RNF220: variants seen among roughly 807,000 people sequenced by gnomAD.
RNF220 encodes the protein E3 ubiquitin-protein ligase RNF220.
A neutral mutation model predicts 67.1 loss-of-function variants in RNF220; 7 were observed. The observed-to-expected ratio is 0.10, with a 90% confidence interval of 0.06 to 0.20. The LOEUF (loss-of-function observed/expected upper bound fraction) is 0.20, where lower values mean the gene tolerates loss of function less well. Among genes scored for constraint, RNF220 ranks in the 10% least tolerant of loss-of-function variants. The probability of loss-of-function intolerance (pLI) is 1.00; values close to 1 mark genes in which losing one functional copy is unlikely to be tolerated. For missense variants in RNF220, 565 were observed against 740.3 expected (o/e 0.76, Z 2.75); for synonymous variants, 270 against 283.2 (o/e 0.95, Z 0.47).
intron 2 of RNF220, among the ~76,000 whole-genome samples, chr1:44,451,076 A>G (rs970658805): frequency 6.6e-6 from 1 of 151,882 alleles, no homozygotes; most frequent in Non-Finnish European, 1.5e-5. Context: ...CCAGCTACTC[A>G]GGAGGCTGAG....
intron 2 of RNF220, among the ~76,000 whole-genome samples, chr1:44,552,563 C>CCTTT (rs1662729307): frequency 1.4e-5 from 1 of 71,330 alleles, no homozygotes; most frequent in Non-Finnish European, 2.6e-5. Flanking sequence ...TTCTAAACTT[C>CCTTT]TTCTTTTTTT....
Position 44,417,266 on chromosome 1 carries a change from C to T in RNF220, c.625+4544C>T, listed in dbSNP as rs770737262. On this transcript the variant is annotated intron_variant, in intron 2 of 14. Coordinates refer to ENST00000361799, the MANE Select transcript of RNF220 (RefSeq NM_018150.4). The surrounding 1 kb of genome is among the most constrained non-coding windows in gnomAD (Gnocchi z 4.0). ...TGCTCCCGGGTTCTCCCCTACTCCC[C>T]GGGGGCAAGAACTCCTGTGATGTGT... Among the ~76,000 whole-genome samples, 1 of 152,214 alleles carries T rather than the reference C, an allele frequency of 6.6e-6. No individual in the cohort carries two copies. Among genetic ancestry groups the T allele is most frequent in the South Asian group, 2.1e-4 (1 of 4,838 alleles).
At chr1:44,577,575 C>A (rs772483486) in intron 2 of RNF220, among the ~76,000 whole-genome samples, 2 of 152,162 alleles carry the variant, frequency 1.3e-5, no homozygotes, top group Non-Finnish European at 2.9e-5. Context: ...CGAACAAAAC[C>A]CTGTTACCAA....
At chr1:44,473,256 A>G (rs922005697) in intron 2 of RNF220, among the ~76,000 whole-genome samples, 2 of 152,144 alleles carry the variant, frequency 1.3e-5, no homozygotes, top group African/African-American at 4.8e-5. Flanking sequence ...TTCAAATCAT[A>G]AAGTTTTACA....
intron 2 of RNF220, among the ~76,000 whole-genome samples, chr1:44,551,256 A>AG (rs1662607117): frequency 6.6e-6 from 1 of 150,950 alleles, no homozygotes; most frequent in African/African-American, 2.4e-5. Flanking sequence ...CTGGGATTAC[A>AG]GGCACGGGCC....
intron 1 of RNF220, among the ~76,000 whole-genome samples, chr1:44,408,168 TAA>T (rs1382770819): frequency 6.6e-6 from 1 of 152,200 alleles, no homozygotes; most frequent in Non-Finnish European, 1.5e-5. Flanking sequence ...CCGTTTTCCC[TAA>T]AAGAGTTGAT....
In RNF220 at chr1:44,489,855, C is replaced by CT. The variant is rs1334006741; in HGVS notation, c.625+77137dup. 2.6e-5 allele frequency among the ~76,000 whole-genome samples: 4 copies of CT among 152,302 alleles called. No individual in the cohort carries two copies. The East Asian group carries it at 7.7e-4, about 29-fold the overall frequency. The stretch of plus-strand genomic sequence containing the variant: ...GGGAAAGGGTAGTCTTGAATATCCC[C>CT]TTTTGTCTCGCAGCTCTAAGTCTTT... On this transcript the variant is annotated intron_variant, in intron 2 of 14. Coordinates refer to ENST00000361799, the MANE Select transcript of RNF220 (RefSeq NM_018150.4).
intron 2 of RNF220, among the ~76,000 whole-genome samples, chr1:44,529,673 G>A (rs1316136979): frequency 6.6e-6 from 1 of 152,134 alleles, no homozygotes; most frequent in South Asian, 2.1e-4. Flanking sequence ...ACCATGCCTG[G>A]CCAGATATTT....
At position 44,614,150 on chromosome 1, in the gene RNF220, T is replaced by G; in HGVS notation, c.626-15T>G. The stretch of plus-strand genomic sequence containing the variant: ...GCCCAGCTTACGCGTCTGTCTGTTC[T>G]TCTCCCCTCACTAGGTAAGAAGAAA... On this transcript the variant is annotated splice_polypyrimidine_tract_variant and intron_variant, in intron 2 of 14. Transcript: ENST00000361799. 1 of 1,614,044 alleles carries G rather than the reference T, an allele frequency of 6.2e-7. No individual in the cohort carries two copies. The highest frequency in any genetic ancestry group is 8.5e-7 in the Non-Finnish European group (1 of 1,179,962).
chr1:44,501,863 T>G (rs1453057704), intron 2 of RNF220, among the ~76,000 whole-genome samples: 1 of 152,116 alleles, frequency 6.6e-6, no homozygotes, highest in Non-Finnish European at 1.5e-5. Context: ...GCACTCTAAT[T>G]GCTCCAAAAA....
chr1:44,434,639 C>CA (rs1217792935), intron 2 of RNF220, among the ~76,000 whole-genome samples: 1 of 151,150 alleles, frequency 6.6e-6, no homozygotes, highest in African/African-American at 2.4e-5. Context: ...ATGGCATGAA[C>CA]CTGGGAGGCA....
At chr1:44,602,395 G>T (rs1383583759) in intron 2 of RNF220, among the ~76,000 whole-genome samples, 1 of 152,168 alleles carries the variant, frequency 6.6e-6, no homozygotes, top group African/African-American at 2.4e-5. Context: ...GGAGAGGACA[G>T]CAACTGAGTG....
At chr1:44,517,123 A>G (rs1295490045) in intron 2 of RNF220, among the ~76,000 whole-genome samples, 1 of 152,060 alleles carries the variant, frequency 6.6e-6, no homozygotes, top group African/African-American at 2.4e-5. Flanking sequence ...CCCAAAATCC[A>G]GGCATCAGCA....
At chr1:44,570,305 C>T (rs901067484) in intron 2 of RNF220, among the ~76,000 whole-genome samples, 2 of 152,180 alleles carry the variant, frequency 1.3e-5, no homozygotes, top group African/African-American at 4.8e-5. Context: ...CCCCATCCAG[C>T]GCTGTCCCTT....
rs557005282 is a variant in RNF220 at position 44,454,583 on chromosome 1, G to T, written c.625+41861G>T. On this transcript the variant is annotated intron_variant, in intron 2 of 14. Coordinates refer to ENST00000361799, the MANE Select transcript of RNF220 (RefSeq NM_018150.4). Reference sequence around the variant, plus strand: ...AGTGTGTTTTAAAGAACATTTTTTGGTATGATTACTCAAGTTTATTGTTTT... The same window carrying T: ...AGTGTGTTTTAAAGAACATTTTTTGTTATGATTACTCAAGTTTATTGTTTT... 4.7e-5 allele frequency among the ~76,000 whole-genome samples: 7 copies of T among 150,028 alleles called. No individual in the cohort carries two copies. In the South Asian group the frequency reaches 1.3e-3, roughly 27 times the overall value.
chr1:44,533,137 G>C (rs1440008391), intron 2 of RNF220, among the ~76,000 whole-genome samples: 3 of 152,246 alleles, frequency 2.0e-5, no homozygotes, highest in Non-Finnish European at 2.9e-5. Flanking sequence ...GAGTCCTAAA[G>C]GGGAGAGTAA....
At chr1:44,432,228 C>A (rs1053159055) in intron 2 of RNF220, among the ~76,000 whole-genome samples, 1 of 152,120 alleles carries the variant, frequency 6.6e-6, no homozygotes, top group Non-Finnish European at 1.5e-5. Context: ...TCTGTAGAGG[C>A]ATTTTAAAAC....
At chr1:44,625,552 T>C (rs1643913762) in intron 4 of RNF220, among the ~76,000 whole-genome samples, 1 of 152,152 alleles carries the variant, frequency 6.6e-6, no homozygotes, top group Admixed American at 6.5e-5. Flanking sequence ...CTCAGAGCTG[T>C]ACAGGCTGGA....
Position 44,466,327 on chromosome 1 carries a change from CA to C in RNF220, c.625+53606del, listed in dbSNP as rs148624712. On this transcript the variant is annotated intron_variant, in intron 2 of 14. Coordinates refer to ENST00000361799, the MANE Select transcript of RNF220 (RefSeq NM_018150.4). ...ATTCTCGCTATTTTGACCACATTCGCAGTTACTTTCTCCACTAAGGTCTTGA... is the reference window on the plus strand; with the variant it reads ...ATTCTCGCTATTTTGACCACATTCGCGTTACTTTCTCCACTAAGGTCTTGA... Among the ~76,000 whole-genome samples, 392 of 152,318 alleles carry C rather than the reference CA, an allele frequency of 2.6e-3. 1 individual carries two copies. The highest frequency in any genetic ancestry group is 3.9e-3 in the Non-Finnish European group (262 of 68,034).
Sources: gnomAD v4.1 joint callset for allele counts (sites outside exome capture counted in the v4.1 genomes callset) on GRCh38, gnomAD v4.1.1 for gene constraint, Gnocchi (gnomAD v3.1) non-coding constraint, MANE v1.5 for transcripts, NCBI Gene and HGNC (gene_info 2026-07-23, HGNC 2026-07-21) for gene names.